Variants in CCDC91 observed in about 807,000 individuals in gnomAD.
The protein encoded by CCDC91 is coiled-coil domain containing 91, also known as coiled-coil domain-containing protein 91.
In CCDC91, 48 loss-of-function variants were observed where a neutral mutation model predicts 63.2. That is an observed-to-expected ratio of 0.76 (90% CI 0.60 to 0.97). CCDC91 has a LOEUF of 0.97. Among genes scored for constraint, CCDC91 ranks in the 50% least tolerant of loss-of-function variants. The pLI is 0.00. For synonymous variants in CCDC91, 167 were observed against 165.8 expected, an observed-to-expected ratio of 1.01 and a Z score of -0.06; for missense variants, 500 against 494.6, an observed-to-expected ratio of 1.01 and a Z score of -0.10.
intron 1 of CCDC91, among the ~76,000 whole-genome samples, chr12:28,238,050 G>A (rs548424942): frequency 7.9e-5 from 12 of 151,932 alleles, no homozygotes; most frequent in African/African-American, 2.4e-4. Context: ...TTCTTGGGGC[G>A]AGGAAAATCT....
chr12:28,521,860 T>G (rs1940707761), intron 12 of CCDC91, among the ~76,000 whole-genome samples: 1 of 152,206 alleles, frequency 6.6e-6, no homozygotes, highest in Non-Finnish European at 1.5e-5. Context: ...GTTCTGTTCA[T>G]ATGCTGGATT....
intron 8 of CCDC91, among the ~76,000 whole-genome samples, chr12:28,434,846 T>C (rs1457471142): frequency 1.3e-5 from 2 of 151,672 alleles, no homozygotes; most frequent in Non-Finnish European, 3.0e-5. Flanking sequence ...TATTTCTTCT[T>C]TGTGAATTTT....
At chr12:28,372,299 G>C (rs1178531191) in intron 7 of CCDC91, among the ~76,000 whole-genome samples, 1 of 151,988 alleles carries the variant, frequency 6.6e-6, no homozygotes, top group Non-Finnish European at 1.5e-5. Flanking sequence ...TTTTTGCTTA[G>C]GATTGCTTAT....
intron 12 of CCDC91, among the ~76,000 whole-genome samples, chr12:28,488,838 T>C (rs1416245237): frequency 2.0e-5 from 3 of 151,930 alleles, no homozygotes; most frequent in Non-Finnish European, 2.9e-5. Context: ...CATATTGTAT[T>C]TTATTAAAAT....
chr12:28,232,200 T>C (rs1944645351), intron 1 of CCDC91, among the ~76,000 whole-genome samples: 1 of 152,168 alleles, frequency 6.6e-6, no homozygotes, highest in African/African-American at 2.4e-5. Context: ...TTATTTGCAT[T>C]TGAAAATTTC....
intron 6 of CCDC91, among the ~76,000 whole-genome samples, chr12:28,317,080 T>C (rs1939968285): frequency 6.6e-6 from 1 of 152,022 alleles, no homozygotes; most frequent in Admixed American, 6.6e-5. Flanking sequence ...AGTTGCCATG[T>C]CTGTCTGATG....
chr12:28,476,975 T>C (rs905934605), intron 11 of CCDC91, among the ~76,000 whole-genome samples: 2 of 152,112 alleles, frequency 1.3e-5, no homozygotes, highest in Non-Finnish European at 2.9e-5. Context: ...GAGGCAATAA[T>C]AATTAATAGC....
intron 1 of CCDC91, among the ~76,000 whole-genome samples, chr12:28,203,126 C>T (rs571838984): frequency 6.6e-5 from 10 of 152,184 alleles, no homozygotes; most frequent in Middle Eastern, 3.4e-3. Flanking sequence ...GATTTTTGAG[C>T]CTTCTAGTTT....
rs533818236 is a variant in CCDC91 at position 28,222,320 on chromosome 12, G to A, written c.-15+31679G>A. On this transcript the variant is annotated intron_variant, in intron 1 of 12. Coordinates refer to ENST00000536442, the MANE Select transcript of CCDC91 (RefSeq NM_018318.5). ...CGGTGGTGGTGGTGGTGCTGGTGCT[G>A]GTGAGATGTCTGTGAGTAAGCTATT... Among the ~76,000 whole-genome samples the A allele has an allele frequency of 2.0e-5, 3 of 152,168 alleles. No homozygotes were observed. The South Asian group carries it at 6.2e-4, about 32-fold the overall frequency.
intron 12 of CCDC91, among the ~76,000 whole-genome samples, chr12:28,534,081 A>G (rs1221726531): frequency 6.6e-6 from 1 of 152,180 alleles, no homozygotes; most frequent in East Asian, 1.9e-4. Flanking sequence ...TCATAAAACT[A>G]TGTACGCTAA....
chr12:28,375,832 C>G (rs529309064), intron 7 of CCDC91, among the ~76,000 whole-genome samples: 1 of 151,842 alleles, frequency 6.6e-6, no homozygotes, highest in African/African-American at 2.4e-5. Context: ...TTCTTAATGT[C>G]TCATCTTAAT....
At chr12:28,544,224 C>A (rs962542736) in intron 12 of CCDC91, among the ~76,000 whole-genome samples, 1 of 151,816 alleles carries the variant, frequency 6.6e-6, no homozygotes, top group Admixed American at 6.6e-5. Flanking sequence ...TTGCTCCAAT[C>A]TTAATGGATT....
At chr12:28,372,931 A>G (rs1944713120) in intron 7 of CCDC91, among the ~76,000 whole-genome samples, 1 of 152,056 alleles carries the variant, frequency 6.6e-6, no homozygotes, top group South Asian at 2.1e-4. Context: ...AATAATTTCA[A>G]ATTTTTCCCA....
intron 1 of CCDC91, among the ~76,000 whole-genome samples, chr12:28,216,938 C>T (rs1943596415): frequency 6.6e-6 from 1 of 151,990 alleles, no homozygotes; most frequent in Non-Finnish European, 1.5e-5. Flanking sequence ...ACTTAAAGAC[C>T]TGTCAGAGAA....
At chr12:28,245,859 C>G (rs934117948) in intron 1 of CCDC91, among the ~76,000 whole-genome samples, 1 of 152,074 alleles carries the variant, frequency 6.6e-6, no homozygotes, top group Non-Finnish European at 1.5e-5. Flanking sequence ...TTTCATTTTC[C>G]TGTGAAACTA....
At chr12:28,376,398 GC>G (rs1427491184) in intron 7 of CCDC91, among the ~76,000 whole-genome samples, 2 of 151,692 alleles carry the variant, frequency 1.3e-5, no homozygotes, top group Non-Finnish European at 3.0e-5. Context: ...ATGATGGACT[GC>G]TGTTTTTAAT....
chr12:28,428,254 G>C (rs1948434435), intron 8 of CCDC91, among the ~76,000 whole-genome samples: 1 of 151,968 alleles, frequency 6.6e-6, no homozygotes, highest in South Asian at 2.1e-4. Context: ...TATGAGTGTA[G>C]AAAACAAAAT....
intron 6 of CCDC91, among the ~76,000 whole-genome samples, chr12:28,345,927 A>C (rs1942779014): frequency 6.6e-6 from 1 of 152,138 alleles, no homozygotes; most frequent in Non-Finnish European, 1.5e-5. Context: ...ATTATATCAC[A>C]TATTATGATT....
chr12:28,382,617 T>G (rs1945363388), intron 7 of CCDC91, among the ~76,000 whole-genome samples: 1 of 151,594 alleles, frequency 6.6e-6, no homozygotes, highest in Non-Finnish European at 1.5e-5. Context: ...AGAAGAGGAG[T>G]TGTAAATAAA....
Sources: allele counts gnomAD v4.1 joint callset (sites outside exome capture counted in the v4.1 genomes callset), GRCh38; gene constraint gnomAD v4.1.1; transcripts MANE v1.5; gene names NCBI Gene and HGNC (gene_info 2026-07-23, HGNC 2026-07-21).